Variants in PHYHIPL observed in about 807,000 individuals in gnomAD.
The protein encoded by PHYHIPL is phytanoyl-CoA 2-hydroxylase interacting protein like, also known as phytanoyl-CoA hydroxylase-interacting protein-like.
In PHYHIPL, 9 loss-of-function variants were observed where a neutral mutation model predicts 33.4. The observed-to-expected ratio is 0.27, with a 90% CI of 0.16 to 0.47. PHYHIPL has a LOEUF of 0.47. PHYHIPL is among the 20% of genes least tolerant of loss of function. PHYHIPL has a pLI of 0.99. For synonymous variants in PHYHIPL, 153 were observed against 154.1 expected (o/e 0.99, Z 0.05); for missense variants, 365 against 460.7 (o/e 0.79, Z 1.90).
At chr10:59,204,342 T>G (rs1023763857) in intron 1 of PHYHIPL, among the ~76,000 whole-genome samples, 4 of 152,144 alleles carry the variant, frequency 2.6e-5, no homozygotes, top group Non-Finnish European at 4.4e-5. Flanking sequence ...AGGTGACAGT[T>G]CATAACCATT....
At chr10:59,214,394 C>A (rs1839549968) in intron 1 of PHYHIPL, among the ~76,000 whole-genome samples, 1 of 151,934 alleles carries the variant, frequency 6.6e-6, no homozygotes, top group Non-Finnish European at 1.5e-5. Context: ...AAGAAGTATT[C>A]CAAGTGATTT....
intron 1 of PHYHIPL, among the ~76,000 whole-genome samples, chr10:59,180,314 GTATATATATATATATATATATA>G (rs35898292): frequency 1.3e-3 from 112 of 86,156 alleles, no homozygotes; most frequent in South Asian, 2.6e-3. Context: ...TATAGAAAAA[GTATATATATATATATATATATA>G]TATATATATA....
At chr10:59,194,183 G>A (rs1375654740) in intron 1 of PHYHIPL, among the ~76,000 whole-genome samples, 1 of 148,320 alleles carries the variant, frequency 6.7e-6, no homozygotes. Context: ...CCAAGTTCAA[G>A]CAATTCTCCT....
intron 1 of PHYHIPL, chr10:59,183,620 C>G (rs972961101): frequency 4.1e-6 from 4 of 981,544 alleles, no homozygotes; most frequent in Non-Finnish European, 4.8e-6. Context: ...AATCTACAAC[C>G]AGGTTTGTTA....
At chr10:59,216,823 G>A (rs1049077841) in intron 1 of PHYHIPL, among the ~76,000 whole-genome samples, 1 of 152,002 alleles carries the variant, frequency 6.6e-6, no homozygotes, top group Admixed American at 6.6e-5. Context: ...AGAAGTAAGG[G>A]CTTTATAAAT....
chr10:59,184,480 G>C (rs887456292), intron 1 of PHYHIPL, among the ~76,000 whole-genome samples: 2 of 152,058 alleles, frequency 1.3e-5, no homozygotes, highest in Non-Finnish European at 2.9e-5. Flanking sequence ...ATATTTCCAG[G>C]GTTTTGCGAT....
Position 59,221,381 on chromosome 10 carries a change from C to T in PHYHIPL, c.107-12923C>T, listed in dbSNP as rs139901141. Among the ~76,000 whole-genome samples, 721 of 152,026 alleles carry T rather than the reference C, an allele frequency of 4.7e-3. 4 individuals carry two copies. The highest frequency in any genetic ancestry group is 0.017 in the African/African-American group (696 of 41,508). ...TATTAAGAGCAATGACTAAAAATAA[C>T]ATTTTATTTACTGTTTTTTAGCCCA... On this transcript the variant is annotated intron_variant, in intron 1 of 4. Transcript: ENST00000373880.
intron 4 of PHYHIPL, among the ~76,000 whole-genome samples, chr10:59,243,741 C>T (rs2133305505): frequency 6.6e-6 from 1 of 151,810 alleles, no homozygotes; most frequent in East Asian, 1.9e-4. Context: ...TCATGCTGGT[C>T]AGGGACCCAG....
At chr10:59,174,508 T>G (rs1396538561), upstream of PHYHIPL, among the ~76,000 whole-genome samples, 1 of 152,162 alleles carries the variant, frequency 6.6e-6, no homozygotes, top group Non-Finnish European at 1.5e-5. Context: ...AATCCTATAT[T>G]TAATATCGAA....
intron 1 of PHYHIPL, among the ~76,000 whole-genome samples, chr10:59,224,485 C>CAAAACAAAACAAAACAA (rs1564454977): frequency 1.3e-5 from 2 of 150,950 alleles, no homozygotes; most frequent in Admixed American, 1.3e-4. Flanking sequence ...CAAAACAAAA[C>CAAAACAAAACAAAACAA]AAAACAAAAC....
chr10:59,203,792 A>G (rs1839201790), intron 1 of PHYHIPL, among the ~76,000 whole-genome samples: 1 of 151,608 alleles, frequency 6.6e-6, no homozygotes, highest in African/African-American at 2.4e-5. Flanking sequence ...GAGGAGGGAT[A>G]GCATTGGGAG....
At chr10:59,219,344 AT>A (rs1839699868) in intron 1 of PHYHIPL, 1 of 516,238 alleles carries the variant, frequency 1.9e-6, no homozygotes, top group Non-Finnish European at 2.5e-6. Flanking sequence ...GTATATAAAA[AT>A]GAAGTACCCA....
rs562206908 is a variant in PHYHIPL, at chr10:59,206,209, C to T, written c.107-28095C>T. Among the ~76,000 whole-genome samples, 14 of 152,270 alleles carry T rather than the reference C, an allele frequency of 9.2e-5. No individual in the cohort carries two copies. In the East Asian group the frequency reaches 2.5e-3, roughly 27 times the overall value. On this transcript the variant is annotated intron_variant, in intron 1 of 4. Transcript: ENST00000373880. The stretch of plus-strand genomic sequence containing the variant: ...CAGGATTTTGCCTTTCATGGTTTCT[C>T]ATGGGTAGAACTGTACAACTTGCTG...
intron 1 of PHYHIPL, among the ~76,000 whole-genome samples, chr10:59,193,563 T>G (rs1838834730): frequency 6.6e-6 from 1 of 152,182 alleles, no homozygotes; most frequent in Non-Finnish European, 1.5e-5. Flanking sequence ...AACCTACTAA[T>G]TTTCATGTTT....
chr10:59,199,145 G>C (rs1192427948), intron 1 of PHYHIPL, among the ~76,000 whole-genome samples: 1 of 152,140 alleles, frequency 6.6e-6, no homozygotes, highest in South Asian at 2.1e-4. Flanking sequence ...CCTATGTCCT[G>C]AATGGTATTG....
At chr10:59,195,970 A>G (rs1170566205) in intron 1 of PHYHIPL, among the ~76,000 whole-genome samples, 3 of 152,156 alleles carry the variant, frequency 2.0e-5, no homozygotes, top group Admixed American at 6.5e-5. Flanking sequence ...AATGTTAGCT[A>G]TAGAGCTTAA....
At chr10:59,241,096 T>A (rs1268486072) in intron 4 of PHYHIPL, among the ~76,000 whole-genome samples, 2 of 152,058 alleles carry the variant, frequency 1.3e-5, no homozygotes, top group East Asian at 3.9e-4. Context: ...TTCCACAGAG[T>A]GGTATAATTT....
At position 59,234,383 on chromosome 10, in the gene PHYHIPL, G is replaced by C. The variant is rs752259397; in HGVS notation, c.186G>C (p.Thr62=). 1.2e-6 allele frequency: 2 copies of C among 1,603,218 alleles called. No homozygotes were observed. The highest frequency in any genetic ancestry group is 1.7e-4 in the Middle Eastern group (1 of 6,038). ...ATAACATCAAAATAAGCAATATAAC[G>C]TGTGACTCATTCAAGATTTCATGGG... ...VPHNIKISNI[T]CDSFKISWEM... The change falls in exon 2 of 5, where the codon ACG becomes ACC. Residue 62 remains threonine, a synonymous_variant. Transcript: ENST00000373880.
chr10:59,187,335 GC>G (rs1838638595), intron 1 of PHYHIPL, among the ~76,000 whole-genome samples: 1 of 152,158 alleles, frequency 6.6e-6, no homozygotes, highest in Non-Finnish European at 1.5e-5. Flanking sequence ...TGGTGGATGA[GC>G]TTTTTGATGT....
Sources: allele counts gnomAD v4.1 joint callset (sites outside exome capture counted in the v4.1 genomes callset), GRCh38; gene constraint gnomAD v4.1.1; transcripts MANE v1.5; gene names NCBI Gene and HGNC (gene_info 2026-07-23, HGNC 2026-07-21).